The following NRXN3 variants were observed in gnomAD, a reference collection of about 807,000 sequenced individuals.
The protein encoded by NRXN3 is neurexin III.
Under a neutral mutation model 137.6 loss-of-function variants are expected in NRXN3, and 32 were observed. That is an observed-to-expected ratio of 0.23 (90% CI 0.18 to 0.31). The LOEUF (loss-of-function observed/expected upper bound fraction) is 0.31, where lower values mean the gene tolerates loss of function less well. NRXN3 is among the 10% of genes least tolerant of loss of function. The pLI is 1.00. For synonymous variants in NRXN3, 798 were observed against 784.5 expected (o/e 1.02, Z -0.29); for missense variants, 1,574 against 2,062.5 (o/e 0.76, Z 4.59).
At chr14:78,292,876 G>A (rs1465839477) in intron 3 of NRXN3, among the ~76,000 whole-genome samples, 1 of 152,126 alleles carries the variant, frequency 6.6e-6, no homozygotes, top group South Asian at 2.1e-4. Context: ...CTTGTCCTAG[G>A]GCTGGCAGTG....
intron 8 of NRXN3, among the ~76,000 whole-genome samples, chr14:78,748,548 T>A (rs1456460756): frequency 6.6e-6 from 1 of 152,104 alleles, no homozygotes; most frequent in Non-Finnish European, 1.5e-5. Flanking sequence ...AAAATTATCC[T>A]AATTGCAGTG....
At chr14:78,638,671 G>T (rs978858480) in intron 4 of NRXN3, among the ~76,000 whole-genome samples, 5 of 152,168 alleles carry the variant, frequency 3.3e-5, no homozygotes, top group African/African-American at 1.2e-4. Context: ...AGCTTCCTAA[G>T]AGGCTCTTAG....
Position 78,227,923 on chromosome 14 carries a change from A to G in NRXN3, c.-703-14468A>G, listed in dbSNP as rs76773687. Among the ~76,000 whole-genome samples the G allele has an allele frequency of 3.5e-3, 539 of 152,276 alleles. 3 individuals are homozygous for G. Among genetic ancestry groups the G allele is most frequent in the African/African-American group, 0.012 (518 of 41,550 alleles). On this transcript the variant is annotated intron_variant, in intron 1 of 20. Coordinates refer to ENST00000335750, the MANE Select transcript of NRXN3 (RefSeq NM_001330195.2). ...TTCTCATGGCAAAGGAGCAAGAGTG[A>G]GCAAGCAGAAAATATGAAAATGCTT...
At chr14:79,523,348 G>A (rs754900167) in intron 16 of NRXN3, among the ~76,000 whole-genome samples, 4 of 152,100 alleles carry the variant, frequency 2.6e-5, no homozygotes, top group Non-Finnish European at 5.9e-5. Flanking sequence ...AAGCTTTAAT[G>A]GGGTCTCAGC....
At chr14:78,523,795 T>C (rs1477506076) in intron 4 of NRXN3, among the ~76,000 whole-genome samples, 1 of 113,068 alleles carries the variant, frequency 8.8e-6, no homozygotes, top group Non-Finnish European at 1.7e-5. Context: ...CCAGCCTGGG[T>C]GACAGAGCAA....
intron 15 of NRXN3, among the ~76,000 whole-genome samples, chr14:79,147,836 T>A (rs2059437358): frequency 6.6e-6 from 1 of 152,118 alleles, no homozygotes; most frequent in Non-Finnish European, 1.5e-5. Flanking sequence ...CTGAGAAACT[T>A]CACCTAAATC....
chr14:79,090,599 A>G (rs749932770), intron 15 of NRXN3, among the ~76,000 whole-genome samples: 1 of 152,008 alleles, frequency 6.6e-6, no homozygotes, highest in African/African-American at 2.4e-5. Context: ...TTCTGTCACC[A>G]TGGCTTCATA....
chr14:78,455,334 G>A (rs1444874443), intron 4 of NRXN3, among the ~76,000 whole-genome samples: 1 of 152,188 alleles, frequency 6.6e-6, no homozygotes, highest in East Asian at 1.9e-4. Context: ...CACATGCTAA[G>A]GATGGAGAGG....
At chr14:79,388,522 G>T (rs2094722363) in intron 15 of NRXN3, among the ~76,000 whole-genome samples, 1 of 152,096 alleles carries the variant, frequency 6.6e-6, no homozygotes, top group Non-Finnish European at 1.5e-5. Flanking sequence ...ACCCAAGACA[G>T]TTCTTTCAGA....
chr14:79,282,036 G>T (rs1466808663), intron 15 of NRXN3: 1 of 139,758 alleles, frequency 7.2e-6, no homozygotes, highest in Non-Finnish European at 1.5e-5. Context: ...ATGGTGAAAA[G>T]AAGGGATTGC....
chr14:79,544,373 T>G (rs2097300416), intron 16 of NRXN3, among the ~76,000 whole-genome samples: 1 of 152,242 alleles, frequency 6.6e-6, no homozygotes, highest in African/African-American at 2.4e-5. Flanking sequence ...CGATAACATC[T>G]AAACAAGAGT....
At chr14:78,694,808 T>C (rs2098209836) in intron 6 of NRXN3, among the ~76,000 whole-genome samples, 2 of 151,940 alleles carry the variant, frequency 1.3e-5, no homozygotes, top group African/African-American at 4.8e-5. Flanking sequence ...GACCAGTCCA[T>C]GTATAGCAAG....
At chr14:78,294,555 C>CAAA (rs199592742) in intron 3 of NRXN3, among the ~76,000 whole-genome samples, 4 of 106,432 alleles carry the variant, frequency 3.8e-5, no homozygotes, top group Admixed American at 2.0e-4. Flanking sequence ...GATTCCGTCT[C>CAAA]AAAAAAAAAA....
intron 16 of NRXN3, among the ~76,000 whole-genome samples, chr14:79,470,092 G>A (rs2096481299): frequency 6.6e-6 from 1 of 152,130 alleles, no homozygotes; most frequent in Admixed American, 6.5e-5. Flanking sequence ...TTACTGAAGA[G>A]AGAAAGAGCT....
intron 2 of NRXN3, among the ~76,000 whole-genome samples, chr14:78,256,497 C>G (rs1266073441): frequency 6.6e-6 from 1 of 152,218 alleles, no homozygotes; most frequent in Non-Finnish European, 1.5e-5. Context: ...TCCAAGGACT[C>G]TGTGGTTTTG....
intron 14 of NRXN3, among the ~76,000 whole-genome samples, chr14:78,987,303 T>C (rs2099508967): frequency 6.6e-6 from 1 of 152,152 alleles, no homozygotes; most frequent in South Asian, 2.1e-4. Flanking sequence ...TTTACCTAAG[T>C]TGGACATCAG....
chr14:78,193,363 G>A (rs1356387431), intron 1 of NRXN3, among the ~76,000 whole-genome samples: 2 of 152,114 alleles, frequency 1.3e-5, no homozygotes, highest in African/African-American at 4.8e-5. Flanking sequence ...ATAACTGTAA[G>A]TTTGGGTAGG....
At chr14:78,712,598 TGCCACCCAGC>T (rs1309659933) in intron 7 of NRXN3, among the ~76,000 whole-genome samples, 2 of 152,230 alleles carry the variant, frequency 1.3e-5, no homozygotes, top group Non-Finnish European at 2.9e-5. Flanking sequence ...AGTCTCACTC[TGCCACCCAGC>T]TTGGAGTGCA....
intron 4 of NRXN3, among the ~76,000 whole-genome samples, chr14:78,639,229 G>A (rs2097593624): frequency 6.6e-6 from 1 of 152,226 alleles, no homozygotes; most frequent in Non-Finnish European, 1.5e-5. Context: ...TGGGCAGCCA[G>A]GTTATCTTTG....
Sources: gnomAD v4.1 joint callset for allele counts (sites outside exome capture counted in the v4.1 genomes callset) on GRCh38, gnomAD v4.1.1 for gene constraint, MANE v1.5 for transcripts, NCBI Gene and HGNC (gene_info 2026-07-23, HGNC 2026-07-21) for gene names.